DRC8: variants seen among roughly 807,000 people sequenced by gnomAD.
DRC8 encodes the protein dynein regulatory complex protein 8.
the DRC8 span, among the ~76,000 whole-genome samples, chr1:245,047,111 C>G: frequency 6.6e-6 from 1 of 152,222 alleles, no homozygotes; most frequent in South Asian, 2.1e-4. Context: ...AAAAGGGCTT[C>G]GTCTTTTCCA....
At chr1:245,114,623 T>TG in the DRC8 span, among the ~76,000 whole-genome samples, 1 of 152,234 alleles carries the variant, frequency 6.6e-6, no homozygotes, top group African/African-American at 2.4e-5. Context: ...AATTCACCGA[T>TG]GCGTGAACAG....
the DRC8 span, among the ~76,000 whole-genome samples, chr1:244,979,344 C>T: frequency 1.1e-4 from 14 of 129,624 alleles, no homozygotes; most frequent in Admixed American, 5.1e-4. Context: ...TTGCTCTTGT[C>T]GCCCAGGTTG....
chr1:245,082,071 T>C, the DRC8 span: 3 of 1,594,168 alleles, frequency 1.9e-6, no homozygotes, highest in African/African-American at 4.0e-5. Flanking sequence ...TATTTACTTA[T>C]TGAATGTTTA....
the DRC8 span, among the ~76,000 whole-genome samples, chr1:245,100,782 A>T: frequency 7.0e-6 from 1 of 142,446 alleles, no homozygotes; most frequent in Non-Finnish European, 1.5e-5. Context: ...ACCCTGTCTC[A>T]ACAAAATAAA....
At chr1:244,989,009 A>G in the DRC8 span, among the ~76,000 whole-genome samples, 2 of 152,234 alleles carry the variant, frequency 1.3e-5, no homozygotes, top group African/African-American at 4.8e-5. Context: ...GATCTTAACC[A>G]TGACACTGTA....
At chr1:245,033,631 C>T in the DRC8 span, among the ~76,000 whole-genome samples, 19,565 of 152,216 alleles carry the variant, frequency 0.13, 1,627 homozygotes, top group Middle Eastern at 0.27. Context: ...CCTGTTCAAA[C>T]TGTTTTTCCT....
chr1:245,124,742 T>C, the DRC8 span: 3 of 151,492 alleles, frequency 2.0e-5, no homozygotes, highest in East Asian at 3.9e-4. Context: ...ACCAACCAGT[T>C]TGAAGACCCC....
chr1:245,124,750 C>A, the DRC8 span: 1 of 151,436 alleles, frequency 6.6e-6, no homozygotes, highest in Non-Finnish European at 1.5e-5. Flanking sequence ...GTTTGAAGAC[C>A]CCCACAGAGG....
At chr1:245,104,855 C>T in the DRC8 span, among the ~76,000 whole-genome samples, 1 of 152,198 alleles carries the variant, frequency 6.6e-6, no homozygotes, top group Admixed American at 6.5e-5. Flanking sequence ...CATAAATATG[C>T]TTTTACCATT....
At chr1:245,014,476 G>T in the DRC8 span, among the ~76,000 whole-genome samples, 26 of 152,072 alleles carry the variant, frequency 1.7e-4, no homozygotes, top group Non-Finnish European at 3.5e-4. Flanking sequence ...AAAGTTTATT[G>T]CTGTGTTATA....
At chr1:245,037,535 C>G in the DRC8 span, among the ~76,000 whole-genome samples, 1 of 152,092 alleles carries the variant, frequency 6.6e-6, no homozygotes, top group Non-Finnish European at 1.5e-5. Context: ...AAAGAAGGCA[C>G]AAACAGCATT....
chr1:245,008,722 G>A, the DRC8 span, among the ~76,000 whole-genome samples: 78,501 of 148,518 alleles, frequency 0.53, 23,028 homozygotes, highest in East Asian at 0.75. Flanking sequence ...AGGCTGCAGT[G>A]CAGTGGTGCT....
chr1:245,056,820 C>G, the DRC8 span, among the ~76,000 whole-genome samples: 1 of 151,386 alleles, frequency 6.6e-6, no homozygotes, highest in Non-Finnish European at 1.5e-5. Context: ...GCCTGTAGTC[C>G]CAGCTACTCA....
At chr1:244,972,825 A>C in the DRC8 span, among the ~76,000 whole-genome samples, 8,248 of 152,082 alleles carry the variant, frequency 0.054, 307 homozygotes, top group Non-Finnish European at 0.079. Flanking sequence ...CAAAAAAAAA[A>C]AAAAACAAAA....
chr1:245,024,956 T>C, the DRC8 span, among the ~76,000 whole-genome samples: 1 of 152,240 alleles, frequency 6.6e-6, no homozygotes, highest in African/African-American at 2.4e-5. Context: ...CACTGAATTA[T>C]TGATCTTTTT....
the DRC8 span, among the ~76,000 whole-genome samples, chr1:245,088,218 T>A: frequency 6.6e-6 from 1 of 151,968 alleles, no homozygotes; most frequent in Non-Finnish European, 1.5e-5. This position sits in a 1 kb window ranked among gnomAD's most constrained non-coding sequence, Gnocchi z 4.6. Context: ...GATCTTGGCA[T>A]CTTATATGGC....
At chr1:245,076,916 G>A in the DRC8 span, among the ~76,000 whole-genome samples, 6 of 152,108 alleles carry the variant, frequency 3.9e-5, no homozygotes, top group Admixed American at 3.3e-4. Context: ...TAGTAGAGAT[G>A]GGGTTTCGCC....
chr1:245,088,937 G>A, the DRC8 span, among the ~76,000 whole-genome samples: 4 of 152,206 alleles, frequency 2.6e-5, no homozygotes, highest in Middle Eastern at 3.4e-3. This position sits in a 1 kb window ranked among gnomAD's most constrained non-coding sequence, Gnocchi z 4.6. Context: ...AAACAGGAGC[G>A]GTATCATTAA....
chr1:245,121,678 G>C, the DRC8 span, among the ~76,000 whole-genome samples: 1 of 152,102 alleles, frequency 6.6e-6, no homozygotes, highest in Non-Finnish European at 1.5e-5. Context: ...TATGTGCTGC[G>C]TGGGGGAGAG....
Sources: allele counts gnomAD v4.1 joint callset (sites outside exome capture counted in the v4.1 genomes callset), GRCh38; gene constraint gnomAD v4.1.1; non-coding constraint Gnocchi (gnomAD v3.1); transcripts MANE v1.5; gene names NCBI Gene and HGNC (gene_info 2026-07-23, HGNC 2026-07-21).